LRMDA: variants seen among roughly 807,000 people sequenced by gnomAD.
LRMDA encodes the protein leucine-rich melanocyte differentiation-associated protein.
A neutral mutation model predicts 29.8 loss-of-function variants in LRMDA; 18 were observed. That is an observed-to-expected ratio of 0.60 (90% CI 0.42 to 0.90). The LOEUF is 0.90. Ranked by LOEUF, LRMDA falls within the 40% of genes least tolerant of loss-of-function variation. The pLI is 0.00. For missense variants in LRMDA, 273 were observed against 273.9 expected (o/e 1.00, Z 0.02); for synonymous variants, 125 against 109.4 (o/e 1.14, Z -0.89).
At chr10:76,252,796 A>G (rs1002026206) in intron 5 of LRMDA, among the ~76,000 whole-genome samples, 8 of 152,220 alleles carry the variant, frequency 5.3e-5, no homozygotes, top group Admixed American at 3.9e-4. Flanking sequence ...AGGTTTCTGT[A>G]TGTGGCTTGT....
intron 5 of LRMDA, among the ~76,000 whole-genome samples, chr10:76,132,025 C>T (rs1393370577): frequency 6.6e-6 from 1 of 152,172 alleles, no homozygotes; most frequent in African/African-American, 2.4e-5. Context: ...ATTCAAGATG[C>T]AAATCTTGAA....
chr10:76,503,247 A>G (rs75414214), intron 6 of LRMDA, among the ~76,000 whole-genome samples: 3,227 of 152,038 alleles, frequency 0.021, 132 homozygotes, highest in African/African-American at 0.075. Flanking sequence ...AATAAAGCCT[A>G]TTTGATCTTG....
chr10:75,773,754 C>G (rs1312708702), intron 2 of LRMDA, among the ~76,000 whole-genome samples: 2 of 152,190 alleles, frequency 1.3e-5, no homozygotes, highest in Non-Finnish European at 2.9e-5. Context: ...GAATATGAGT[C>G]AGTCTTCAAG....
chr10:75,530,670 C>T (rs1453431945), intron 2 of LRMDA, among the ~76,000 whole-genome samples: 2 of 152,176 alleles, frequency 1.3e-5, no homozygotes, highest in African/African-American at 4.8e-5. Flanking sequence ...TCTGCATTCC[C>T]TCCCACTAGG....
intron 6 of LRMDA, among the ~76,000 whole-genome samples, chr10:76,350,349 A>T (rs1226297211): frequency 6.6e-6 from 1 of 152,176 alleles, no homozygotes; most frequent in East Asian, 1.9e-4. Context: ...GCAAAACCAA[A>T]ATCTTATTAA....
intron 2 of LRMDA, among the ~76,000 whole-genome samples, chr10:75,802,701 A>G (rs1843775132): frequency 6.6e-6 from 1 of 152,164 alleles, no homozygotes; most frequent in Non-Finnish European, 1.5e-5. Flanking sequence ...TACCTGGCAC[A>G]TAATAAGTGC....
chr10:75,571,561 A>G (rs1840437913), intron 2 of LRMDA, among the ~76,000 whole-genome samples: 2 of 152,208 alleles, frequency 1.3e-5, no homozygotes, highest in African/African-American at 4.8e-5. Flanking sequence ...CGATGTTAGG[A>G]TCCCATTCCC....
chr10:75,926,227 AG>A (rs2132395545), intron 2 of LRMDA, among the ~76,000 whole-genome samples: 1 of 152,258 alleles, frequency 6.6e-6, no homozygotes, highest in South Asian at 2.1e-4. Context: ...CCTGGAAAGC[AG>A]GTTGAGCCAC....
Position 76,315,296 on chromosome 10 carries a change from C to T in LRMDA, c.517-9105C>T, listed in dbSNP as rs143247810. ...CCAGGAACAGACAAGAGCCCCACCC[C>T]CTAACCAGTTGAAGGGGCGGGAGCC... On this transcript the variant is annotated intron_variant, in intron 5 of 6. Coordinates refer to ENST00000611255, the MANE Select transcript of LRMDA (RefSeq NM_001305581.2). Among the ~76,000 whole-genome samples the T allele has an allele frequency of 3.9e-5, 6 of 152,350 alleles. No homozygotes were observed. The South Asian group carries it at 1.2e-3, about 32-fold the overall frequency.
chr10:75,741,259 CT>C (rs1842825637), intron 2 of LRMDA, among the ~76,000 whole-genome samples: 1 of 152,214 alleles, frequency 6.6e-6, no homozygotes, highest in Non-Finnish European at 1.5e-5. Context: ...AATGCACTTC[CT>C]TTTGGCTGTA....
At chr10:75,777,068 C>T (rs1389446552) in intron 2 of LRMDA, among the ~76,000 whole-genome samples, 5 of 152,210 alleles carry the variant, frequency 3.3e-5, no homozygotes, top group South Asian at 2.1e-4. Flanking sequence ...AGTGGGGAGC[C>T]GGGTTTACTC....
chr10:75,507,738 A>G (rs1020824974), intron 2 of LRMDA, among the ~76,000 whole-genome samples: 5 of 152,248 alleles, frequency 3.3e-5, no homozygotes, highest in African/African-American at 9.6e-5. Flanking sequence ...CAAACACAGA[A>G]TAGTTCTAGG....
intron 5 of LRMDA, among the ~76,000 whole-genome samples, chr10:76,073,215 T>C (rs1334225665): frequency 6.6e-6 from 1 of 152,218 alleles, no homozygotes; most frequent in East Asian, 1.9e-4. Context: ...AACAATGTTA[T>C]GGTTTCATTA....
At chr10:76,553,853 A>C (rs1001686019) in intron 6 of LRMDA, among the ~76,000 whole-genome samples, 1 of 152,034 alleles carries the variant, frequency 6.6e-6, no homozygotes. Context: ...TCCCCGGGCG[A>C]GCACCAGCAG....
intron 2 of LRMDA, among the ~76,000 whole-genome samples, chr10:76,033,062 A>G (rs1848177735): frequency 6.6e-6 from 1 of 152,042 alleles, no homozygotes; most frequent in Admixed American, 6.5e-5. Context: ...TAAAAATAAC[A>G]GTAAAAAAAA....
intron 5 of LRMDA, among the ~76,000 whole-genome samples, chr10:76,148,336 A>G (rs1302942625): frequency 1.3e-5 from 2 of 152,324 alleles, no homozygotes; most frequent in South Asian, 2.1e-4. Context: ...AGCTCCACCC[A>G]GTTCTAGCTT....
At chr10:75,668,042 C>G (rs983339038) in intron 2 of LRMDA, among the ~76,000 whole-genome samples, 1 of 152,228 alleles carries the variant, frequency 6.6e-6, no homozygotes, top group Non-Finnish European at 1.5e-5. Flanking sequence ...CACAAAATTT[C>G]TGGGGCCTCT....
intron 5 of LRMDA, among the ~76,000 whole-genome samples, chr10:76,305,323 A>G (rs1392654826): frequency 6.6e-6 from 1 of 152,236 alleles, no homozygotes; most frequent in Non-Finnish European, 1.5e-5. Flanking sequence ...GGTAGAACGG[A>G]GTCAGGAAAA....
At chr10:76,069,125 G>T (rs1401306289) in intron 5 of LRMDA, among the ~76,000 whole-genome samples, 1 of 152,146 alleles carries the variant, frequency 6.6e-6, no homozygotes, top group Admixed American at 6.5e-5. Flanking sequence ...GTGTGTTTTT[G>T]CCTAGAAGTT....
Sources: allele counts gnomAD v4.1 joint callset (sites outside exome capture counted in the v4.1 genomes callset), GRCh38; gene constraint gnomAD v4.1.1; transcripts MANE v1.5; gene names NCBI Gene and HGNC (gene_info 2026-07-23, HGNC 2026-07-21).